The following PRIMPOL variants were observed in gnomAD, a reference collection of about 807,000 sequenced individuals.
PRIMPOL encodes the protein primase and DNA directed polymerase, also known as DNA-directed primase/polymerase protein.
In PRIMPOL, 54 loss-of-function variants were observed where a neutral mutation model predicts 63.6. The ratio of observed to expected loss-of-function variants is 0.85; its 90% CI spans 0.68 to 1.07. PRIMPOL has a LOEUF of 1.07. PRIMPOL is among the 50% of genes least tolerant of loss of function. The probability of loss-of-function intolerance (pLI) is 0.00; values close to 1 mark genes in which losing one functional copy is unlikely to be tolerated. For synonymous variants in PRIMPOL, 197 were observed against 220.2 expected (o/e 0.89, Z 0.93); for missense variants, 610 against 648.3 (o/e 0.94, Z 0.64).
intron 11 of PRIMPOL, chr4:184,691,255 GT>G: frequency 2.3e-6 from 1 of 431,580 alleles, no homozygotes; most frequent in Admixed American, 4.0e-5. Flanking sequence ...GTGAGTACAG[GT>G]TGAGAATTGT....
rs70962516 is a variant in PRIMPOL, at chr4:184,663,018, TTTATTATTATTA to T, written c.408+1145_408+1156del. Among the ~76,000 whole-genome samples the T allele has an allele frequency of 8.0e-3, 1,107 of 138,756 alleles. 9 individuals carry two copies. Among genetic ancestry groups the T allele is most frequent in the African/African-American group, 0.026 (988 of 37,774 alleles). The allele number at this position is 138,756 out of a possible 152,430, so 91.0% of individuals were successfully genotyped here. ...GGTAAATTCTGTTTAATTTTAAACC[TTTATTATTATTA>T]TTATTATTATTATTATTATTATTAT... On this transcript the variant is annotated intron_variant, in intron 5 of 13. Transcript: ENST00000314970.
chr4:184,671,947 AAC>A (rs1751841388), intron 6 of PRIMPOL, among the ~76,000 whole-genome samples: 2 of 151,770 alleles, frequency 1.3e-5, no homozygotes, highest in Non-Finnish European at 2.9e-5. Context: ...TCACCGTGTT[AAC>A]CAGGATGGTC....
At chr4:184,664,370 G>A (rs972041006) in intron 5 of PRIMPOL, among the ~76,000 whole-genome samples, 2 of 152,222 alleles carry the variant, frequency 1.3e-5, no homozygotes, top group African/African-American at 4.8e-5. Context: ...GTCTAATGGA[G>A]GATAATACGT....
chr4:184,650,837 A>T (rs1744130437), intron 1 of PRIMPOL, among the ~76,000 whole-genome samples: 1 of 152,222 alleles, frequency 6.6e-6, no homozygotes, highest in African/African-American at 2.4e-5. Flanking sequence ...TATTCTGCAC[A>T]GAAATATACT....
At chr4:184,659,301 T>C in intron 3 of PRIMPOL, 39 bp from the exon 4 acceptor site, 2 of 1,503,488 alleles carry the variant, frequency 1.3e-6, no homozygotes, top group Non-Finnish European at 1.9e-6. Flanking sequence ...AGGTTTGCAT[T>C]TTGTGAATTT....
intron 11 of PRIMPOL, among the ~76,000 whole-genome samples, chr4:184,689,566 C>T (rs1757934851): frequency 1.8e-5 from 1 of 54,868 alleles, no homozygotes; most frequent in Admixed American, 2.3e-4. Context: ...AATTCTCCTG[C>T]CTCAGCCCCC....
At chr4:184,686,110 A>C (rs1278360588) in intron 11 of PRIMPOL, among the ~76,000 whole-genome samples, 2 of 152,114 alleles carry the variant, frequency 1.3e-5, no homozygotes, top group Admixed American at 6.5e-5. Flanking sequence ...GTTGTATTAA[A>C]TTTCTATTTG....
Position 184,682,253 on chromosome 4 carries a change from C to A in PRIMPOL, c.1013C>A (p.Ser338Ter). 6.4e-7 allele frequency: 1 copy of A among 1,572,696 alleles called. No individual in the cohort carries two copies. The highest frequency in any genetic ancestry group is 1.7e-5 in the Admixed American group (1 of 59,490). ...TTTACCTATTTCTTCTTCAGGTTCT[C>A]AGATACTTTACGAATTCTTACATGT... ...LSSLVSNVRF[S>*]DTLRILTCEP... The change falls in exon 9 of 14, where the codon TCA becomes TAA. Residue 338 changes from serine (S) to a stop codon, truncating the protein, a stop_gained. Coordinates refer to ENST00000314970, the MANE Select transcript of PRIMPOL (RefSeq NM_152683.4). LOFTEE classifies it high-confidence loss of function.
intron 7 of PRIMPOL, among the ~76,000 whole-genome samples, chr4:184,677,107 CTCTT>C (rs1295863503): frequency 7.3e-6 from 1 of 137,670 alleles, no homozygotes; most frequent in African/African-American, 2.8e-5. Context: ...CTCTTTCTCT[CTCTT>C]TCTTTCTAAG....
At chr4:184,668,664 A>G (rs988735653) in intron 6 of PRIMPOL, among the ~76,000 whole-genome samples, 28 of 152,206 alleles carry the variant, frequency 1.8e-4, no homozygotes, top group African/African-American at 6.3e-4. Context: ...GTCATATCTC[A>G]AACCCTAAGC....
Position 184,672,454 on chromosome 4 carries a change from G to T in PRIMPOL, c.838G>T (p.Asp280Tyr), listed in dbSNP as rs777270041. The T allele has an allele frequency of 5.1e-5, 81 of 1,603,604 alleles. No individual in the cohort carries two copies. The highest frequency in any genetic ancestry group is 6.6e-5 in the Non-Finnish European group (78 of 1,175,656). ...CATGGGAGAGAAGCATCTTTTTGTA[G>T]ATCTCGGTAAGTAAGATTGACAGCT... ...NNMGEKHLFV[D>Y]LGVYTRNRNF... Residue 280 changes from aspartate (D) to tyrosine (Y), a missense_variant, in exon 7 of 14, where the codon GAT becomes TAT. Physicochemically the swap from Asp to Tyr is radical, Grantham distance 160. Coordinates refer to ENST00000314970, the MANE Select transcript of PRIMPOL (RefSeq NM_152683.4).
At position 184,685,687 on chromosome 4, in the gene PRIMPOL, A is replaced by T. The variant is rs1409634760; in HGVS notation, c.1295+3A>T. ...GCCCATAAGAGTAATAATATAATGT[A>T]AGTAATATTAATGATTTGTGTGTAT... On this transcript the variant is annotated splice_donor_region_variant and intron_variant, in intron 11 of 13. Transcript: ENST00000314970. 3 of 1,286,168 alleles carry T rather than the reference A, an allele frequency of 2.3e-6. No individual in the cohort carries two copies. In the African/African-American group the frequency reaches 4.4e-5, roughly 19 times the overall value. 79.7% of individuals were successfully genotyped at this position (1,286,168 alleles called of 1,614,324 possible). A position where few individuals can be genotyped will look rare whatever the true frequency, so the allele number is the denominator to read the frequency against.
At chr4:184,676,055 T>C (rs1753236115) in intron 7 of PRIMPOL, among the ~76,000 whole-genome samples, 1 of 152,174 alleles carries the variant, frequency 6.6e-6, no homozygotes, top group African/African-American at 2.4e-5. Flanking sequence ...CCCAAAGTCA[T>C]TCTTTTGCTT....
In PRIMPOL at chr4:184,678,369, C is replaced by G. The variant is rs1413708160; in HGVS notation, c.982C>G (p.Leu328Val). Residue 328 changes from leucine (L) to valine (V), a missense_variant, in exon 8 of 14, where the codon CTC (leucine) becomes GTC (valine). By Grantham distance (32) the Leu-to-Val change is conservative. Around this residue, in one of 3 missense-constraint regions of PRIMPOL, gnomAD observed 444 missense variants for 456.4 expected, o/e 0.97. Transcript: ENST00000314970. ...KDVSDEYQYF[L>V]SSLVSNVRFS... is the part of the protein sequence containing the mutation. ...TGTTTCTGACGAATATCAATATTTT[C>G]TCTCTTCTTTGGTCAGCAATGTCAG... 1 of 1,605,928 alleles carries G rather than the reference C, an allele frequency of 6.2e-7. No individual in the cohort carries two copies. The highest frequency in any genetic ancestry group is 1.3e-5 in the African/African-American group (1 of 74,506).
intron 5 of PRIMPOL, among the ~76,000 whole-genome samples, chr4:184,662,460 G>T: frequency 6.6e-6 from 1 of 152,062 alleles, no homozygotes; most frequent in East Asian, 1.9e-4. Context: ...TTAACTAAGA[G>T]AAAAAATACT....
At chr4:184,680,164 C>T (rs1755220717) in intron 8 of PRIMPOL, among the ~76,000 whole-genome samples, 1 of 149,256 alleles carries the variant, frequency 6.7e-6, no homozygotes, top group African/African-American at 2.5e-5. Flanking sequence ...ATCAACTTGC[C>T]ATAATTCTTT....
chr4:184,684,243 G>A (rs1050708389), intron 9 of PRIMPOL, among the ~76,000 whole-genome samples: 1 of 152,100 alleles, frequency 6.6e-6, no homozygotes, highest in Non-Finnish European at 1.5e-5. Flanking sequence ...GGATCATGAG[G>A]TCAGGAGTTC....
chr4:184,650,849 A>C (rs1460391181), intron 1 of PRIMPOL, among the ~76,000 whole-genome samples: 1 of 152,154 alleles, frequency 6.6e-6, no homozygotes, highest in African/African-American at 2.4e-5. Flanking sequence ...AAATATACTT[A>C]GTTTTATATA....
At position 184,661,877 on chromosome 4, in the gene PRIMPOL, A is replaced by G; in HGVS notation, c.382A>G (p.Lys128Glu). ...ACCTGCCAACCCAGGAGCTGATGGG[A>G]AAAAGATGGTTGCATTACTCATTGA... is the stretch of plus-strand genomic sequence containing the variant. ...NKPANPGADG[K>E]KMVALLIEYV... is the part of the protein sequence containing the mutation. Residue 128 changes from lysine to glutamate, a missense_variant, in exon 5 of 14, where the codon AAA (lysine) becomes GAA (glutamate). Physicochemically the swap from Lys to Glu is moderately conservative, Grantham distance 56. Around this residue, in one of 3 missense-constraint regions of PRIMPOL, gnomAD observed 159 missense variants for 168.9 expected, o/e 0.94. Transcript: ENST00000314970. 10 of 1,612,830 alleles carry G rather than the reference A, an allele frequency of 6.2e-6. No individual in the cohort carries two copies. Among genetic ancestry groups the G allele is most frequent in the Non-Finnish European group, 7.6e-6 (9 of 1,179,036 alleles).
Sources: allele counts gnomAD v4.1 joint callset (sites outside exome capture counted in the v4.1 genomes callset), GRCh38; gene constraint gnomAD v4.1.1; regional missense constraint gnomAD v4.1.1; transcripts MANE v1.5; gene names NCBI Gene and HGNC (gene_info 2026-07-23, HGNC 2026-07-21).